Variants in FOXP1 observed in about 807,000 individuals in gnomAD.
FOXP1 encodes the protein forkhead box protein P1.
A neutral mutation model predicts 98.2 loss-of-function variants in FOXP1; 15 were observed. The ratio of observed to expected loss-of-function variants is 0.15; its 90% CI spans 0.10 to 0.24. The LOEUF (loss-of-function observed/expected upper bound fraction) is 0.24. Among genes scored for constraint, FOXP1 ranks in the 10% least tolerant of loss-of-function variants. FOXP1 has a pLI of 1.00. For missense variants in FOXP1, 633 were observed against 848.5 expected (o/e 0.75, Z 3.15); for synonymous variants, 371 against 314.5 (o/e 1.18, Z -1.90).
chr3:71,444,144 C>T (rs2108468583), intron 3 of FOXP1, among the ~76,000 whole-genome samples: 1 of 152,304 alleles, frequency 6.6e-6, no homozygotes, highest in East Asian at 1.9e-4. Context: ...AACAGACTGG[C>T]CTGCGCCAAC....
chr3:71,443,050 C>T (rs1455312281), intron 3 of FOXP1, among the ~76,000 whole-genome samples: 1 of 152,160 alleles, frequency 6.6e-6, no homozygotes, highest in Non-Finnish European at 1.5e-5. Context: ...TACCACCACA[C>T]CTGGCTAATT....
intron 11 of FOXP1, among the ~76,000 whole-genome samples, chr3:71,017,645 T>C (rs1425101874): frequency 6.6e-6 from 1 of 152,156 alleles, no homozygotes; most frequent in Non-Finnish European, 1.5e-5. Flanking sequence ...TATTTACTGA[T>C]GGGTAATAGT....
At chr3:71,262,678 C>T (rs773617082) in intron 5 of FOXP1, among the ~76,000 whole-genome samples, 5 of 152,146 alleles carry the variant, frequency 3.3e-5, no homozygotes, top group African/African-American at 9.7e-5. Flanking sequence ...AAGAGTCCTC[C>T]GTATTTACCC....
intron 2 of FOXP1, among the ~76,000 whole-genome samples, chr3:71,522,671 G>A (rs1470399496): frequency 1.3e-5 from 2 of 152,144 alleles, no homozygotes; most frequent in African/African-American, 4.8e-5. Context: ...GACCGTTCTG[G>A]GCCAATGCCA....
chr3:71,447,758 T>C (rs903810227), intron 3 of FOXP1, among the ~76,000 whole-genome samples: 3 of 152,186 alleles, frequency 2.0e-5, no homozygotes, highest in Non-Finnish European at 4.4e-5. Context: ...TTTATTAAAC[T>C]TGAATACTCA....
chr3:71,188,444 C>T (rs1470197128), intron 6 of FOXP1, among the ~76,000 whole-genome samples: 9 of 148,508 alleles, frequency 6.1e-5, no homozygotes, highest in East Asian at 5.9e-4. Flanking sequence ...GATGGACTCT[C>T]GCTCTTGTAG....
chr3:71,444,541 A>G lies in FOXP1; in HGVS notation c.-168+48885T>C, dbSNP rs3732737. On this transcript the variant is annotated intron_variant, in intron 3 of 20. Coordinates refer to ENST00000649528, the MANE Select transcript of FOXP1 (RefSeq NM_001349338.3). ...CTGGCTCCAATCGCCTTTCAAGTCC[A>G]AACAGGAAAGGGGAGAAAAGAGAGT... 2.0e-5 allele frequency among the ~76,000 whole-genome samples: 3 copies of G among 152,232 alleles called. No individual in the cohort carries two copies. In the East Asian group the frequency reaches 5.8e-4, roughly 29 times the overall value.
chr3:71,271,188 C>T (rs1470396449), intron 5 of FOXP1, among the ~76,000 whole-genome samples: 1 of 152,154 alleles, frequency 6.6e-6, no homozygotes, highest in African/African-American at 2.4e-5. Context: ...CCAGATAATG[C>T]CACTGCACTC....
intron 3 of FOXP1, among the ~76,000 whole-genome samples, chr3:71,492,755 T>C (rs1408065424): frequency 6.6e-6 from 1 of 152,134 alleles, no homozygotes; most frequent in Non-Finnish European, 1.5e-5. Flanking sequence ...CAACCAATCA[T>C]TGTCTCTGCT....
In FOXP1 at chr3:70,955,754, A is replaced by G. The variant is rs1245839928; in HGVS notation, c.*3493T>C. 4.3e-6 allele frequency: 1 copy of G among 233,462 alleles called. No individual in the cohort carries two copies. The highest frequency in any genetic ancestry group is 8.5e-6 in the Non-Finnish European group (1 of 118,036). 14.5% of individuals were successfully genotyped at this position (233,462 alleles called of 1,614,324 possible). ...TTTCAAATGTATGAACTTGTTTAAG[A>G]TAGCCAGGAAGGCAGTGGTAGGATA... On this transcript the variant is annotated 3_prime_UTR_variant, in exon 21 of 21. Transcript: ENST00000649528.
At chr3:71,110,901 G>A (rs1384459878) in intron 7 of FOXP1, among the ~76,000 whole-genome samples, 1 of 152,178 alleles carries the variant, frequency 6.6e-6, no homozygotes, top group Non-Finnish European at 1.5e-5. Context: ...CCCTGCATGC[G>A]CACGCATTCC....
chr3:71,249,198 C>T (rs139696260), intron 5 of FOXP1, among the ~76,000 whole-genome samples: 141 of 152,340 alleles, frequency 9.3e-4, no homozygotes, highest in African/African-American at 3.2e-3. Flanking sequence ...ATGGAGTGGG[C>T]AGGGTCCTGG....
chr3:71,097,187 T>C (rs947722865), intron 7 of FOXP1, among the ~76,000 whole-genome samples: 1 of 152,152 alleles, frequency 6.6e-6, no homozygotes, highest in African/African-American at 2.4e-5. Flanking sequence ...CTGCCACCTG[T>C]GTATGGCCCT....
At chr3:71,336,383 C>A (rs958763999) in intron 4 of FOXP1, among the ~76,000 whole-genome samples, 2 of 152,080 alleles carry the variant, frequency 1.3e-5, no homozygotes, top group Non-Finnish European at 2.9e-5. Context: ...AGATTTTAAG[C>A]CCCACATGCA....
intron 2 of FOXP1, among the ~76,000 whole-genome samples, chr3:71,577,482 C>A (rs954007688): frequency 6.6e-6 from 1 of 152,058 alleles, no homozygotes; most frequent in Non-Finnish European, 1.5e-5. Context: ...AGAAGATACC[C>A]CAAATTTCGC....
At chr3:71,394,873 G>A (rs1264090273) in intron 3 of FOXP1, among the ~76,000 whole-genome samples, 1 of 152,058 alleles carries the variant, frequency 6.6e-6, no homozygotes, top group Non-Finnish European at 1.5e-5. Flanking sequence ...GGCCGAGACG[G>A]GCAGATCACC....
intron 2 of FOXP1, among the ~76,000 whole-genome samples, chr3:71,580,388 G>A (rs1024002327): frequency 8.8e-5 from 10 of 113,950 alleles, no homozygotes; most frequent in African/African-American, 3.2e-4. Context: ...GTTTCAAATA[G>A]AAAGACAGAG....
At chr3:71,035,413 G>A (rs2047445759) in intron 11 of FOXP1, among the ~76,000 whole-genome samples, 2 of 152,150 alleles carry the variant, frequency 1.3e-5, no homozygotes, top group South Asian at 4.1e-4. Context: ...TTCAGTTTTC[G>A]TAGCCTATAT....
At position 71,226,727 on chromosome 3, in the gene FOXP1, C is replaced by G. The variant is rs780241820; in HGVS notation, c.-11-28335G>C. On this transcript the variant is annotated intron_variant, in intron 5 of 20. Coordinates refer to ENST00000649528, the MANE Select transcript of FOXP1 (RefSeq NM_001349338.3). Reference sequence around the variant, plus strand: ...TTCTCTCTGCTTGTCATTTTCCTCTCGCAGTCTTGCTCTCCACCTCCATCT... The same window carrying G: ...TTCTCTCTGCTTGTCATTTTCCTCTGGCAGTCTTGCTCTCCACCTCCATCT... Among the ~76,000 whole-genome samples, 5 of 152,090 alleles carry G rather than the reference C, an allele frequency of 3.3e-5. No homozygotes were observed. The South Asian group carries it at 1.0e-3, about 32-fold the overall frequency.
Sources: allele counts gnomAD v4.1 joint callset (sites outside exome capture counted in the v4.1 genomes callset), GRCh38; gene constraint gnomAD v4.1.1; transcripts MANE v1.5; gene names NCBI Gene and HGNC (gene_info 2026-07-23, HGNC 2026-07-21).